ZNF407: variants seen among roughly 807,000 people sequenced by gnomAD.
ZNF407 encodes zinc finger protein 407.
Under a neutral mutation model 131.2 loss-of-function variants are expected in ZNF407, and 17 were observed. The ratio of observed to expected loss-of-function variants is 0.13; its 90% CI spans 0.09 to 0.19. The LOEUF is 0.19. Among genes scored for constraint, ZNF407 ranks in the 10% least tolerant of loss-of-function variants. The pLI is 1.00. For synonymous variants in ZNF407, 1,156 were observed against 1,062.0 expected (o/e 1.09, Z -1.72); for missense variants, 2,681 against 2,830.6 (o/e 0.95, Z 1.20).
chr18:74,752,912 A>G (rs1968840851), intron 3 of ZNF407, among the ~76,000 whole-genome samples: 1 of 152,210 alleles, frequency 6.6e-6, no homozygotes, highest in Non-Finnish European at 1.5e-5. Flanking sequence ...TTCTGTGAAG[A>G]AAGTCATTGG....
At chr18:74,673,633 G>A (rs1428815255) in intron 3 of ZNF407, among the ~76,000 whole-genome samples, 1 of 152,174 alleles carries the variant, frequency 6.6e-6, no homozygotes, top group East Asian at 1.9e-4. Context: ...CACAGACTGT[G>A]CTTTTCACAT....
Position 74,632,530 on chromosome 18 carries a change from G to T in ZNF407, c.1511G>T (p.Gly504Val), listed in dbSNP as rs1984168203. The change falls in exon 2 of 9, where the codon GGG becomes GTG. Residue 504 changes from glycine (G) to valine (V), a missense_variant. By Grantham distance (109) the Gly-to-Val change is moderately radical. Around this residue, in one of 6 missense-constraint regions of ZNF407, gnomAD observed 1,789 missense variants for 1,748.7 expected, o/e 1.02. Coordinates refer to ENST00000299687, the MANE Select transcript of ZNF407 (RefSeq NM_017757.3). ...ACCCAGGAGGCAGAGCAGGGCCAGGGGAGTGCCCGTCCTCCGGACTCCGGG... is the reference window on the plus strand; with the variant it reads ...ACCCAGGAGGCAGAGCAGGGCCAGGTGAGTGCCCGTCCTCCGGACTCCGGG... ...SETQEAEQGQ[G>V]SARPPDSGLH... 4.3e-6 allele frequency: 7 copies of T among 1,614,002 alleles called. No homozygotes were observed. In the East Asian group the frequency reaches 1.6e-4, roughly 36 times the overall value.
At chr18:74,606,152 A>G (rs1982797064) in intron 1 of ZNF407, among the ~76,000 whole-genome samples, 1 of 152,196 alleles carries the variant, frequency 6.6e-6, no homozygotes, top group African/African-American at 2.4e-5. Flanking sequence ...GTTTAAGGAA[A>G]CAGGTGAAAA....
At chr18:74,800,054 T>C (rs1173561693) in intron 4 of ZNF407, among the ~76,000 whole-genome samples, 3 of 152,016 alleles carry the variant, frequency 2.0e-5, no homozygotes, top group African/African-American at 7.2e-5. Context: ...TGAATAACAA[T>C]AGAATATTTT....
rs78138041 is a variant in ZNF407 at position 74,816,242 on chromosome 18, T to A, written c.4877+34740T>A. ...TGACTTTGAGGTGAAAAATTAGATATTTCACCTTCTGATTCAACCCCTCTG... is the reference window on the plus strand; with the variant it reads ...TGACTTTGAGGTGAAAAATTAGATAATTCACCTTCTGATTCAACCCCTCTG... On this transcript the variant is annotated intron_variant, in intron 4 of 8. Transcript: ENST00000299687. Among the ~76,000 whole-genome samples the A allele has an allele frequency of 3.3e-3, 501 of 152,292 alleles. 7 individuals carry two copies. In the East Asian group the frequency reaches 0.054, roughly 16 times the overall value.
chr18:74,958,889 A>C lies in ZNF407; in HGVS notation c.5428+38197A>C, dbSNP rs188270034. On this transcript the variant is annotated intron_variant, in intron 8 of 8. Coordinates refer to ENST00000299687, the MANE Select transcript of ZNF407 (RefSeq NM_017757.3). ...TAAGAGGAAGGGGACACCCATGCGC[A>C]CACAAAAACTCTTTCAATAATTGCA... Among the ~76,000 whole-genome samples, 28 of 152,346 alleles carry C rather than the reference A, an allele frequency of 1.8e-4. No individual in the cohort carries two copies. The East Asian group carries it at 5.2e-3, about 28-fold the overall frequency.
intron 4 of ZNF407, among the ~76,000 whole-genome samples, chr18:74,867,207 C>T (rs1971024878): frequency 6.6e-6 from 1 of 152,072 alleles, no homozygotes; most frequent in South Asian, 2.1e-4. Flanking sequence ...AATGCAGACA[C>T]TACTTATGAT....
At chr18:74,694,234 A>C (rs975431164) in intron 3 of ZNF407, among the ~76,000 whole-genome samples, 1 of 152,078 alleles carries the variant, frequency 6.6e-6, no homozygotes, top group African/African-American at 2.4e-5. Flanking sequence ...AGTCTTTTAG[A>C]GCAAGTCTGG....
At chr18:74,791,309 A>G (rs1310567115) in intron 4 of ZNF407, among the ~76,000 whole-genome samples, 2 of 152,366 alleles carry the variant, frequency 1.3e-5, no homozygotes, top group East Asian at 1.9e-4. Flanking sequence ...TATGAGTCAA[A>G]CTAATTTTAT....
intron 3 of ZNF407, among the ~76,000 whole-genome samples, chr18:74,739,886 G>T (rs1489781432): frequency 1.3e-5 from 2 of 152,056 alleles, no homozygotes; most frequent in South Asian, 4.1e-4. Context: ...ATTATTAAAT[G>T]GAACTTTATT....
At chr18:74,675,179 G>A (rs574481) in intron 3 of ZNF407, among the ~76,000 whole-genome samples, 41,042 of 152,084 alleles carry the variant, frequency 0.27, 5,801 homozygotes, top group Non-Finnish European at 0.31. Context: ...TTATACTTAT[G>A]CTTTCTCTGT....
intron 8 of ZNF407, among the ~76,000 whole-genome samples, chr18:74,980,275 TA>T (rs1972574202): frequency 6.7e-6 from 1 of 149,850 alleles, no homozygotes; most frequent in Non-Finnish European, 1.5e-5. Context: ...TTTTTTTCTT[TA>T]AAGAGTCACT....
intron 3 of ZNF407, among the ~76,000 whole-genome samples, chr18:74,772,829 G>A (rs1185639226): frequency 6.6e-6 from 1 of 152,094 alleles, no homozygotes. Flanking sequence ...CCTTGTAGCT[G>A]TGGTACTCAG....
At chr18:74,907,233 G>T (rs755951109) in intron 7 of ZNF407, among the ~76,000 whole-genome samples, 1 of 151,612 alleles carries the variant, frequency 6.6e-6, no homozygotes, top group African/African-American at 2.4e-5. Context: ...CTTCCACAGG[G>T]TTTACTGAGA....
intron 3 of ZNF407, among the ~76,000 whole-genome samples, chr18:74,668,999 G>A (rs548584079): frequency 6.6e-6 from 1 of 151,948 alleles, no homozygotes; most frequent in East Asian, 1.9e-4. Flanking sequence ...TGCTTGTTCC[G>A]GGAGCACACG....
intron 3 of ZNF407, among the ~76,000 whole-genome samples, chr18:74,762,161 T>C (rs905230189): frequency 6.6e-6 from 1 of 152,000 alleles, no homozygotes; most frequent in African/African-American, 2.4e-5. Flanking sequence ...CGTAGTACCA[T>C]AGAGATCTCA....
At chr18:75,037,315 G>T (rs568384806) in intron 8 of ZNF407, among the ~76,000 whole-genome samples, 41 of 152,284 alleles carry the variant, frequency 2.7e-4, no homozygotes, top group African/African-American at 9.6e-4. Flanking sequence ...GAAATTCCAG[G>T]ACAGTGATGT....
rs552892839 is a variant in ZNF407 at position 74,630,406 on chromosome 18, C to T, written c.-53-561C>T. Among the ~76,000 whole-genome samples the T allele has an allele frequency of 1.5e-4, 23 of 152,174 alleles. 1 individual carries two copies. In the South Asian group the frequency reaches 3.7e-3, roughly 25 times the overall value. ...CAGGATGGTCTCGATCTCCTGACCT[C>T]GTGATCCGCCTGCCTCGGCCTCCCA... On this transcript the variant is annotated intron_variant, in intron 1 of 8. Coordinates refer to ENST00000299687, the MANE Select transcript of ZNF407 (RefSeq NM_017757.3).
intron 3 of ZNF407, among the ~76,000 whole-genome samples, chr18:74,774,618 A>G (rs1332503750): frequency 2.0e-5 from 3 of 152,228 alleles, no homozygotes; most frequent in Non-Finnish European, 4.4e-5. Flanking sequence ...CAGACATACC[A>G]TATGTGGGAC....
Sources: allele counts gnomAD v4.1 joint callset (sites outside exome capture counted in the v4.1 genomes callset), GRCh38; gene constraint gnomAD v4.1.1; regional missense constraint gnomAD v4.1.1; transcripts MANE v1.5; gene names NCBI Gene and HGNC (gene_info 2026-07-23, HGNC 2026-07-21).